DNAH17: variants seen among roughly 807,000 people sequenced by gnomAD.
DNAH17 encodes the protein axonemal beta dynein heavy chain 17.
DNAH17 carries 376 observed loss-of-function variants against 485.6 expected under a neutral mutation model. That is an observed-to-expected ratio of 0.77 (90% confidence interval 0.71 to 0.84). DNAH17 has a LOEUF of 0.84. DNAH17 is among the 40% of genes least tolerant of loss of function. DNAH17 has a pLI of 0.00. For missense variants in DNAH17, 6,370 were observed against 5,839.3 expected, an observed-to-expected ratio of 1.09 and a Z score of -2.96; for synonymous variants, 3,031 against 2,405.9, an observed-to-expected ratio of 1.26 and a Z score of -7.60.
At chr17:78,481,481 G>A (rs894798129) in intron 48 of DNAH17, among the ~76,000 whole-genome samples, 1 of 152,188 alleles carries the variant, frequency 6.6e-6, no homozygotes, top group African/African-American at 2.4e-5. Context: ...GCAAAAGAGT[G>A]GCTCAGAGAG....
chr17:78,507,234 T>A, intron 29 of DNAH17, 44 bp downstream of exon 29: 2 of 1,604,526 alleles, frequency 1.2e-6, no homozygotes, highest in African/African-American at 1.3e-5. Context: ...ACTTAGGGAA[T>A]CTGCACCACT....
At chr17:78,532,906 C>T in intron 19 of DNAH17, 170 bp from the exon 20 acceptor site, 1 of 716,786 alleles carries the variant, frequency 1.4e-6, no homozygotes, top group South Asian at 1.9e-5. Context: ...CTTTAGGCAA[C>T]CTGGTGGTCC....
chr17:78,438,455 A>AGGAGGAGGAGGAGGGAGGAGGGG (rs2086939342), intron 73 of DNAH17, among the ~76,000 whole-genome samples: 1 of 82,556 alleles, frequency 1.2e-5, no homozygotes, highest in Non-Finnish European at 2.5e-5. Context: ...GGGAGGAGGG[A>AGGAGGAGGAGGAGGGAGGAGGGG]GGAGGAGGAG....
chr17:78,460,417 T>A (rs74704037), intron 58 of DNAH17, among the ~76,000 whole-genome samples, 160 bp from the exon 59 acceptor site: 1 of 152,234 alleles, frequency 6.6e-6, no homozygotes, highest in South Asian at 2.1e-4. Context: ...TGTGTGCATG[T>A]ATGTGTATGT....
At chr17:78,431,910 G>A (rs1030268572) in intron 75 of DNAH17, among the ~76,000 whole-genome samples, 6 of 152,084 alleles carry the variant, frequency 3.9e-5, no homozygotes, top group Admixed American at 6.5e-5. Flanking sequence ...GGTGGCTCAC[G>A]CCTGTAATCC....
intron 60 of DNAH17, 49 bp downstream of exon 60, chr17:78,459,735 A>G: frequency 6.2e-7 from 1 of 1,605,590 alleles, no homozygotes; most frequent in Non-Finnish European, 8.5e-7. Context: ...CCTTGGCCTG[A>G]TGGAGAATCG....
intron 17 of DNAH17, among the ~76,000 whole-genome samples, chr17:78,540,682 ATGGATGGG>A (rs1395792346): frequency 3.0e-5 from 2 of 65,908 alleles, no homozygotes; most frequent in African/African-American, 1.3e-4. Context: ...AGATGGACAG[ATGGATGGG>A]TGGATGGGTG....
At chr17:78,519,098 G>A (rs192116714) in intron 25 of DNAH17, among the ~76,000 whole-genome samples, 22 of 149,680 alleles carry the variant, frequency 1.5e-4, no homozygotes, top group Non-Finnish European at 3.0e-4. Context: ...AACCCAGGAG[G>A]TGGAGCTTAC....
In DNAH17 at chr17:78,487,529, CAG is replaced by C. The variant is rs574806131; in HGVS notation, c.6819-1025_6819-1024del. Among the ~76,000 whole-genome samples the C allele has an allele frequency of 3.4e-3, 521 of 152,066 alleles. 6 individuals carry two copies. Among genetic ancestry groups the C allele is most frequent in the African/African-American group, 0.011 (474 of 41,358 alleles). ...TGACCGGCAGACGTGCCTCTTTAGA[CAG>C]AGACTCATTTTTTTTCTTCTTCTGA... On this transcript the variant is annotated intron_variant, in intron 44 of 80. Transcript: ENST00000389840.
At chr17:78,445,264 A>G (rs1310709887) in intron 70 of DNAH17, among the ~76,000 whole-genome samples, 4 of 151,502 alleles carry the variant, frequency 2.6e-5, no homozygotes, top group Admixed American at 2.0e-4. Context: ...TGAGGGAGGG[A>G]TGGTAAGAGG....
At chr17:78,439,033 C>T in intron 73 of DNAH17, 57 bp downstream of exon 73, 1 of 1,577,142 alleles carries the variant, frequency 6.3e-7, no homozygotes, top group Middle Eastern at 2.1e-4. Context: ...CTGGCCCATC[C>T]CCATTGGCCA....
At chr17:78,468,930 CAATT>C in intron 54 of DNAH17, 47 bp from the exon 55 acceptor site, 1 of 1,573,144 alleles carries the variant, frequency 6.4e-7, no homozygotes, top group South Asian at 1.2e-5. Context: ...AAAAGATGCT[CAATT>C]AGAGACATCC....
chr17:78,509,407 C>T lies in DNAH17; in HGVS notation c.4236+977G>A, dbSNP rs185926715. ...GTGCTGGGATTATAGGCAGGAGCCC[C>T]CACCCTCTGCTGTTGAATATGTGCT... is the stretch of plus-strand genomic sequence containing the variant. On this transcript the variant is annotated intron_variant, in intron 27 of 80. Transcript: ENST00000389840. 2.3e-3 allele frequency among the ~76,000 whole-genome samples: 357 copies of T among 152,300 alleles called. 1 individual carries two copies. The highest frequency in any genetic ancestry group is 7.9e-3 in the African/African-American group (330 of 41,554).
chr17:78,557,509 C>T (rs1568250946), intron 14 of DNAH17, among the ~76,000 whole-genome samples: 1 of 151,570 alleles, frequency 6.6e-6, no homozygotes, highest in Non-Finnish European at 1.5e-5. Context: ...CTTGGTGGTA[C>T]ACGCCTGTAG....
chr17:78,492,598 G>A (rs746494240), intron 42 of DNAH17, 35 bp downstream of exon 42: 3 of 1,610,154 alleles, frequency 1.9e-6, no homozygotes, highest in African/African-American at 1.3e-5. Flanking sequence ...GACCAGGAGT[G>A]CCCCTGCAGC....
In DNAH17 at chr17:78,558,171, T is replaced by C; in HGVS notation, c.2115A>G (p.Ser705=). The change falls in exon 14 of 81, where the codon TCA becomes TCG. Residue 705 remains serine (S), a synonymous_variant. Coordinates refer to ENST00000389840, the MANE Select transcript of DNAH17 (RefSeq NM_173628.4). The part of the protein sequence containing the change: ...EIPDSAESLF[S]ENETFRKFVG... ...CAAACTTCCGGAAAGTTTCGTTCTC[T>C]GAGAACAGACTCTCCGCACTGTCTG... The C allele has an allele frequency of 6.2e-7, 1 of 1,613,854 alleles. No homozygotes were observed.
chr17:78,563,978 G>T (rs2092215042), intron 11 of DNAH17, among the ~76,000 whole-genome samples: 1 of 152,074 alleles, frequency 6.6e-6, no homozygotes, highest in African/African-American at 2.4e-5. Flanking sequence ...TTTAAAAAGA[G>T]ATCTTTCTTT....
At position 78,571,049 on chromosome 17, in the gene DNAH17, A is replaced by G. The variant is rs761145655; in HGVS notation, c.833-16T>C. 1.3e-6 allele frequency: 2 copies of G among 1,560,432 alleles called. No homozygotes were observed. Among genetic ancestry groups the G allele is most frequent in the Non-Finnish European group, 1.7e-6 (2 of 1,151,346 alleles). On this transcript the variant is annotated splice_polypyrimidine_tract_variant and intron_variant, in intron 5 of 80. Coordinates refer to ENST00000389840, the MANE Select transcript of DNAH17 (RefSeq NM_173628.4). ...TCCTTCAGCCCTGCACGGAACAAGA[A>G]CAAGTGCCCACCGGTAAGAGAGCAG... is the stretch of plus-strand genomic sequence containing the variant.
intron 11 of DNAH17, among the ~76,000 whole-genome samples, chr17:78,565,393 ACT>A (rs1307926240): frequency 1.3e-5 from 2 of 152,196 alleles, no homozygotes; most frequent in African/African-American, 2.4e-5. Context: ...GGAGCTTCAA[ACT>A]CTCATGTATT....
Sources: allele counts gnomAD v4.1 joint callset (sites outside exome capture counted in the v4.1 genomes callset), GRCh38; gene constraint gnomAD v4.1.1; transcripts MANE v1.5; gene names NCBI Gene and HGNC (gene_info 2026-07-23, HGNC 2026-07-21).